IFI44L: variants seen among roughly 807,000 people sequenced by gnomAD.
The protein encoded by IFI44L is interferon-induced protein 44-like.
In IFI44L, 40 loss-of-function variants were observed where a neutral mutation model predicts 39.3. The observed-to-expected ratio is 1.02, with a 90% CI of 0.79 to 1.33. IFI44L has a LOEUF of 1.33. Among genes scored for constraint, IFI44L ranks in the 40% most tolerant of loss-of-function variants. The pLI is 0.00. For missense variants in IFI44L, 623 were observed against 549.0 expected (o/e 1.13, Z -1.35); for synonymous variants, 198 against 182.3 (o/e 1.09, Z -0.69).
intron 1 of IFI44L, among the ~76,000 whole-genome samples, chr1:78,622,406 A>T (rs1200136000): frequency 6.6e-6 from 1 of 152,138 alleles, no homozygotes; most frequent in Non-Finnish European, 1.5e-5. Flanking sequence ...GATAAACCTG[A>T]GAGACACCAG....
rs546238851 is a variant in IFI44L, at chr1:78,637,948, T to TG, written c.1048+745_1048+746insG. ...TAAGTTTTTATTCCTCTGGGGTACA[T>TG]CTCCAGAAATGTAATGCTGGATCAT... is the stretch of plus-strand genomic sequence containing the variant. On this transcript the variant is annotated intron_variant, in intron 6 of 8. Transcript: ENST00000370751. Among the ~76,000 whole-genome samples the TG allele has an allele frequency of 5.3e-4, 81 of 152,174 alleles. No individual in the cohort carries two copies. The East Asian group carries it at 0.015, about 28-fold the overall frequency.
chr1:78,634,002 T>C (rs934002403), intron 4 of IFI44L, among the ~76,000 whole-genome samples: 9 of 151,890 alleles, frequency 5.9e-5, no homozygotes, highest in Admixed American at 5.9e-4. Flanking sequence ...AACTTAAAGG[T>C]AGGTTATTTG....
rs1249059828 is a variant in IFI44L, at chr1:78,642,454, T to A, written c.*645T>A. ...AAAATTAGCTGGGTATGATGGCACG[T>A]GCCTGTAGTCCCAGTTACTCAGGAT... On this transcript the variant is annotated 3_prime_UTR_variant, in exon 9 of 9. Coordinates refer to ENST00000370751, the MANE Select transcript of IFI44L (RefSeq NM_006820.4). 1 of 149,802 alleles carries A rather than the reference T, an allele frequency of 6.7e-6. No individual in the cohort carries two copies. The highest frequency in any genetic ancestry group is 1.5e-5 in the Non-Finnish European group (1 of 67,772). 9.3% of individuals were successfully genotyped at this position (149,802 alleles called of 1,614,324 possible).
chr1:78,624,036 G>A (rs1012025164), intron 1 of IFI44L, among the ~76,000 whole-genome samples: 1 of 151,630 alleles, frequency 6.6e-6, no homozygotes, highest in Non-Finnish European at 1.5e-5. Flanking sequence ...GAGATGGAGT[G>A]TCTCTCTGTC....
chr1:78,639,192 T>C (rs1653062457), intron 6 of IFI44L, among the ~76,000 whole-genome samples: 1 of 152,000 alleles, frequency 6.6e-6, no homozygotes, highest in Non-Finnish European at 1.5e-5. Context: ...TCGGTGGAAG[T>C]CTAGGATCCC....
At position 78,643,160 on chromosome 1, in the gene IFI44L, T is replaced by TTTTTTTTTTTTTTTTTTTTTTTTAG. The variant is rs1367397714; in HGVS notation, c.*1351_*1352insTTTTTTTTTTTTTTTTTTTTTTTAG. Reference sequence around the variant, plus strand: ...AGATATTAAGAAAGCAAGAGTTTCTTATGTCCAGTTATGGAATATTTCCTA... The same window carrying TTTTTTTTTTTTTTTTTTTTTTTTAG: ...AGATATTAAGAAAGCAAGAGTTTCTTTTTTTTTTTTTTTTTTTTTTTTTAGATGTCCAGTTATGGAATATTTCCTA... On this transcript the variant is annotated 3_prime_UTR_variant, in exon 9 of 9. Transcript: ENST00000370751. 2 of 151,986 alleles carry TTTTTTTTTTTTTTTTTTTTTTTTAG rather than the reference T, an allele frequency of 1.3e-5. No homozygotes were observed. The highest frequency in any genetic ancestry group is 4.8e-5 in the African/African-American group (2 of 41,550). 9.4% of individuals were successfully genotyped at this position (151,986 alleles called of 1,614,324 possible).
chr1:78,637,553 AG>A (rs1450298228), intron 6 of IFI44L, among the ~76,000 whole-genome samples: 3 of 152,072 alleles, frequency 2.0e-5, no homozygotes, highest in Non-Finnish European at 2.9e-5. Context: ...CACATGTGTA[AG>A]TTTATGTACC....
intron 3 of IFI44L, 149 bp downstream of exon 3, chr1:78,629,148 A>G (rs1652618840): frequency 1.3e-5 from 8 of 638,984 alleles, no homozygotes; most frequent in Non-Finnish European, 2.2e-5. Flanking sequence ...TAACAAAAGC[A>G]CTACTAACTA....
Position 78,643,693 on chromosome 1 carries a change from G to T in IFI44L, c.*1884G>T, listed in dbSNP as rs1268047802. The stretch of plus-strand genomic sequence containing the variant: ...GTTTTTTTGCTGAGTCAATTCCTTG[G>T]AGGGGGTCTTCAGACTGACTGGTGT... On this transcript the variant is annotated 3_prime_UTR_variant, in exon 9 of 9. Transcript: ENST00000370751. 6.7e-6 allele frequency: 1 copy of T among 148,358 alleles called. No individual in the cohort carries two copies. Among genetic ancestry groups the T allele is most frequent in the Non-Finnish European group, 1.5e-5 (1 of 67,384 alleles). The allele number at this position is 148,358 out of a possible 1,614,324, so 9.2% of individuals were successfully genotyped here. A position where few individuals can be genotyped will look rare whatever the true frequency, so the allele number is the denominator to read the frequency against.
At chr1:78,621,222 T>G (rs1217746172) in intron 1 of IFI44L, among the ~76,000 whole-genome samples, 3 of 152,232 alleles carry the variant, frequency 2.0e-5, no homozygotes, top group Non-Finnish European at 4.4e-5. Flanking sequence ...TTCTTTTACT[T>G]AAATACAAAA....
rs202037753 is a variant in IFI44L, at chr1:78,629,787, C to T, written c.595C>T (p.Arg199Cys). ...CTATGCAGACTTGGTTTCAGAAATT[C>T]GTATTCTTTTGGTGGGTCCAGTTGG... ...RPYADLVSEI[R>C]ILLVGPVGSG... The change falls in exon 4 of 9, where the codon CGT becomes TGT. Residue 199 changes from arginine (R) to cysteine (C), a missense_variant. Arg to Cys is a radical substitution (Grantham distance 180). Coordinates refer to ENST00000370751, the MANE Select transcript of IFI44L (RefSeq NM_006820.4). 2.0e-5 allele frequency: 33 copies of T among 1,613,616 alleles called. No homozygotes were observed. Among genetic ancestry groups the T allele is most frequent in the East Asian group, 1.3e-4 (6 of 44,850 alleles).
chr1:78,622,450 T>G lies in IFI44L; in HGVS notation c.-11+1879T>G, dbSNP rs141044239. 3.9e-5 allele frequency among the ~76,000 whole-genome samples: 6 copies of G among 152,240 alleles called. No homozygotes were observed. In the East Asian group the frequency reaches 1.2e-3, roughly 29 times the overall value. ...TTAACATATTGACCATACTAAACAA[T>G]ATTTAACATATTGATTGTATTCAGC... On this transcript the variant is annotated intron_variant, in intron 1 of 8. Coordinates refer to ENST00000370751, the MANE Select transcript of IFI44L (RefSeq NM_006820.4).
chr1:78,639,611 A>G (rs1653082642), intron 6 of IFI44L, among the ~76,000 whole-genome samples: 1 of 152,082 alleles, frequency 6.6e-6, no homozygotes, highest in Non-Finnish European at 1.5e-5. Context: ...TCTCTAGCCA[A>G]ATTGCATTAT....
chr1:78,637,384 C>T (rs1204635936), intron 6 of IFI44L, among the ~76,000 whole-genome samples, 181 bp downstream of exon 6: 1 of 151,998 alleles, frequency 6.6e-6, no homozygotes, highest in Admixed American at 6.6e-5. Context: ...TCCTAATGTT[C>T]AGTCTTTAAA....
rs1245348556 is a variant in IFI44L at position 78,645,379 on chromosome 1, T to A, written c.*3570T>A. On this transcript the variant is annotated 3_prime_UTR_variant, in exon 9 of 9. Coordinates refer to ENST00000370751, the MANE Select transcript of IFI44L (RefSeq NM_006820.4). ...TTTTCCTACACTTCTTCCTTTTAGG[T>A]CAACAATACCAAGAGGGGTTACTGT... The A allele has an allele frequency of 6.6e-6, 1 of 152,226 alleles. No homozygotes were observed. Among genetic ancestry groups the A allele is most frequent in the Admixed American group, 6.5e-5 (1 of 15,278 alleles). The allele number at this position is 152,226 out of a possible 1,614,324, so 9.4% of individuals were successfully genotyped here.
intron 1 of IFI44L, chr1:78,627,381 G>A (rs537459440): frequency 6.6e-6 from 1 of 151,900 alleles, no homozygotes; most frequent in African/African-American, 2.4e-5. Flanking sequence ...TTTTTTGCAA[G>A]AATTCCTAGG....
At chr1:78,623,572 A>T (rs2100471049) in intron 1 of IFI44L, among the ~76,000 whole-genome samples, 1 of 152,156 alleles carries the variant, frequency 6.6e-6, no homozygotes, top group African/African-American at 2.4e-5. Context: ...TTGTTATGGG[A>T]GGTGGCTCAT....
chr1:78,633,747 T>A (rs1415888393), intron 4 of IFI44L, among the ~76,000 whole-genome samples: 1 of 152,066 alleles, frequency 6.6e-6, no homozygotes, highest in East Asian at 1.9e-4. Context: ...GAAATGGAGA[T>A]GTATGAACCA....
chr1:78,628,212 A>G lies in IFI44L; in HGVS notation c.297A>G (p.Leu99=), dbSNP rs1232768292. Residue 99 remains leucine (L), a synonymous_variant, in exon 2 of 9, where the codon TTA becomes TTG. Transcript: ENST00000370751. ...KKNDTTEIET[L]LLNTAPKIID... ...ATGACACCACTGAAATAGAAACTTT[A>G]CTCTTAAATACAGCACCAAAAATTA... 2 of 1,612,618 alleles carry G rather than the reference A, an allele frequency of 1.2e-6. No homozygotes were observed. The highest frequency in any genetic ancestry group is 2.2e-5 in the East Asian group (1 of 44,748).
Sources: gnomAD v4.1 joint callset for allele counts (sites outside exome capture counted in the v4.1 genomes callset) on GRCh38, gnomAD v4.1.1 for gene constraint, MANE v1.5 for transcripts, NCBI Gene and HGNC (gene_info 2026-07-23, HGNC 2026-07-21) for gene names.